The following ANO4 variants were observed in gnomAD, a reference collection of about 807,000 sequenced individuals.
The protein encoded by ANO4 is anoctamin-4.
ANO4 carries 69 observed loss-of-function variants against 141.9 expected under a neutral mutation model. That is an observed-to-expected ratio of 0.49 (90% CI 0.40 to 0.59). ANO4 has a LOEUF of 0.59. Among genes scored for constraint, ANO4 ranks in the 20% least tolerant of loss-of-function variants. The probability of loss-of-function intolerance (pLI) is 0.00; values close to 1 mark genes in which losing one functional copy is unlikely to be tolerated. For missense variants in ANO4, 894 were observed against 1,162.2 expected (o/e 0.77, Z 3.36); for synonymous variants, 350 against 394.3 (o/e 0.89, Z 1.33).
At chr12:100,945,311 G>A (rs1008203953) in intron 5 of ANO4, among the ~76,000 whole-genome samples, 2 of 152,312 alleles carry the variant, frequency 1.3e-5, no homozygotes, top group Admixed American at 6.5e-5. Flanking sequence ...ACATAGTCAA[G>A]TTTAATCTTT....
intron 5 of ANO4, among the ~76,000 whole-genome samples, chr12:100,965,231 T>C (rs2043600050): frequency 6.6e-6 from 1 of 152,144 alleles, no homozygotes; most frequent in Non-Finnish European, 1.5e-5. Context: ...CCAGGCCAAA[T>C]AACCTCTTCA....
At chr12:100,982,847 A>G (rs1163398047) in intron 7 of ANO4, among the ~76,000 whole-genome samples, 1 of 152,276 alleles carries the variant, frequency 6.6e-6, no homozygotes, top group Admixed American at 6.5e-5. Context: ...CATAAGTGAC[A>G]TAATCAAGAT....
At chr12:100,881,865 C>T (rs1198105671) in intron 1 of ANO4, among the ~76,000 whole-genome samples, 1 of 152,192 alleles carries the variant, frequency 6.6e-6, no homozygotes, top group Admixed American at 6.5e-5. Context: ...TCTTGTGATA[C>T]AGGCCCAAAG....
intron 1 of ANO4, among the ~76,000 whole-genome samples, chr12:100,723,290 A>G (rs2030949971): frequency 6.6e-6 from 1 of 152,214 alleles, no homozygotes; most frequent in South Asian, 2.1e-4. Flanking sequence ...TGGCTTAAAC[A>G]ACAGACATTT....
intron 14 of ANO4, among the ~76,000 whole-genome samples, chr12:101,060,254 A>G (rs542467003): frequency 6.6e-6 from 1 of 152,320 alleles, no homozygotes; most frequent in African/African-American, 2.4e-5. Context: ...ACTGTTTGTT[A>G]TGATTTCCGT....
At chr12:101,062,523 G>A (rs1479667765) in intron 14 of ANO4, among the ~76,000 whole-genome samples, 2 of 152,218 alleles carry the variant, frequency 1.3e-5, no homozygotes, top group Non-Finnish European at 2.9e-5. Flanking sequence ...CAGAGAGGTG[G>A]GAGTTTTATC....
chr12:100,720,309 A>G (rs2030806118), intron 1 of ANO4, among the ~76,000 whole-genome samples: 1 of 152,082 alleles, frequency 6.6e-6, no homozygotes, highest in South Asian at 2.1e-4. Context: ...TGTTTCATAT[A>G]GGGAAGCCCT....
intron 1 of ANO4, among the ~76,000 whole-genome samples, chr12:100,896,050 T>C (rs1409801247): frequency 6.6e-6 from 1 of 151,830 alleles, no homozygotes; most frequent in Non-Finnish European, 1.5e-5. Flanking sequence ...GTGCATAACA[T>C]CCCCAAGGAT....
chr12:101,015,777 C>G (rs2046291784), intron 8 of ANO4, among the ~76,000 whole-genome samples: 1 of 152,088 alleles, frequency 6.6e-6, no homozygotes, highest in Non-Finnish European at 1.5e-5. Flanking sequence ...CAATGTGAAG[C>G]CCTGGTCAGA....
chr12:100,938,413 C>T (rs1010057066), intron 3 of ANO4, among the ~76,000 whole-genome samples: 7 of 152,178 alleles, frequency 4.6e-5, no homozygotes, highest in African/African-American at 9.7e-5. Context: ...TACTGTATTA[C>T]GTGCTTGGGT....
chr12:100,760,537 G>GTCAA (rs1407481599), intron 3 of ANO4, among the ~76,000 whole-genome samples: 1 of 152,148 alleles, frequency 6.6e-6, no homozygotes, highest in Non-Finnish European at 1.5e-5. Flanking sequence ...AAAATGAGGA[G>GTCAA]TATTGAGTCA....
chr12:100,859,759 T>G (rs1468910398), intron 1 of ANO4, among the ~76,000 whole-genome samples: 1 of 152,184 alleles, frequency 6.6e-6, no homozygotes. Flanking sequence ...CGTTCTTTTT[T>G]AATCCTGGCA....
chr12:100,902,716 C>G (rs2040653097), intron 2 of ANO4, among the ~76,000 whole-genome samples: 1 of 152,192 alleles, frequency 6.6e-6, no homozygotes, highest in South Asian at 2.1e-4. Context: ...TCAAGAAACA[C>G]CAGGGCCGTT....
chr12:101,101,508 T>C (rs1304879296), intron 22 of ANO4, among the ~76,000 whole-genome samples: 1 of 151,992 alleles, frequency 6.6e-6, no homozygotes, highest in Non-Finnish European at 1.5e-5. Flanking sequence ...GCATTTCCAC[T>C]CCCAGATGAG....
chr12:100,898,024 A>T (rs946782117), intron 1 of ANO4, among the ~76,000 whole-genome samples: 1 of 152,220 alleles, frequency 6.6e-6, no homozygotes, highest in Non-Finnish European at 1.5e-5. Flanking sequence ...GAAAAAGGCA[A>T]GGTTAAAATA....
intron 1 of ANO4, among the ~76,000 whole-genome samples, chr12:100,809,693 A>G (rs80139855): frequency 0.02 from 3,117 of 152,328 alleles, 107 homozygotes; most frequent in African/African-American, 0.07. Flanking sequence ...AAGGCTTTAT[A>G]TGACATGCGC....
intron 4 of ANO4, among the ~76,000 whole-genome samples, chr12:100,941,679 C>T (rs1031309244): frequency 1.3e-5 from 2 of 151,918 alleles, no homozygotes; most frequent in Non-Finnish European, 2.9e-5. Flanking sequence ...CTCCTACTTG[C>T]CTTATCAAGA....
chr12:100,743,804 T>G (rs1404580153), intron 3 of ANO4, among the ~76,000 whole-genome samples: 4 of 152,176 alleles, frequency 2.6e-5, no homozygotes, highest in African/African-American at 9.7e-5. Context: ...ACAAATTATT[T>G]AATCACCCAG....
chr12:101,073,983 G>T (rs2048928033), intron 14 of ANO4, among the ~76,000 whole-genome samples: 1 of 152,152 alleles, frequency 6.6e-6, no homozygotes, highest in Non-Finnish European at 1.5e-5. Flanking sequence ...ACTCTGTCTT[G>T]TAAATACAAT....
Sources: allele counts gnomAD v4.1 joint callset (sites outside exome capture counted in the v4.1 genomes callset), GRCh38; gene constraint gnomAD v4.1.1; transcripts MANE v1.5; gene names NCBI Gene and HGNC (gene_info 2026-07-23, HGNC 2026-07-21).